Variants in CD74 observed in about 807,000 individuals in gnomAD.
CD74 encodes CD74 molecule.
CD74 carries 20 observed loss-of-function variants against 37.1 expected under a neutral mutation model. That is an observed-to-expected ratio of 0.54 (90% CI 0.38 to 0.78). CD74 has a LOEUF of 0.78. CD74 is among the 30% of genes least tolerant of loss of function. The pLI, the probability that CD74 is intolerant of heterozygous loss-of-function variation, is 0.00. For synonymous variants in CD74, 150 were observed against 152.0 expected, an observed-to-expected ratio of 0.99 and a Z score of 0.10; for missense variants, 338 against 389.5, an observed-to-expected ratio of 0.87 and a Z score of 1.11.
At position 150,401,792 on chromosome 5, in the gene CD74, A is replaced by T; in HGVS notation, c.*448T>A. ...GAGTGATGCTGGGGAAAGGGAAGAG[A>T]GTGGCTCAGCCTGCAGGTAAATAGG... On this transcript the variant is annotated 3_prime_UTR_variant, in exon 9 of 9. Coordinates refer to ENST00000009530, the MANE Select transcript of CD74 (RefSeq NM_001025159.3). 1.6e-6 allele frequency: 1 copy of T among 613,376 alleles called. No individual in the cohort carries two copies. The highest frequency in any genetic ancestry group is 2.9e-6 in the Non-Finnish European group (1 of 343,088). 38.0% of individuals were successfully genotyped at this position (613,376 alleles called of 1,614,324 possible). A position where few individuals can be genotyped will look rare whatever the true frequency, so the allele number is the denominator to read the frequency against.
In CD74 at chr5:150,402,045, G is replaced by T; in HGVS notation, c.*195C>A. On this transcript the variant is annotated 3_prime_UTR_variant, in exon 9 of 9. Coordinates refer to ENST00000009530, the MANE Select transcript of CD74 (RefSeq NM_001025159.3). This position sits in a 1 kb window ranked among gnomAD's most constrained non-coding sequence, Gnocchi z 4.2. ...CCTGTTGACAGATGGAGATTGGGCA[G>T]CAGGGCCTTGCTGCATTGTTATCTG... 6.5e-7 allele frequency: 1 copy of T among 1,537,240 alleles called. No homozygotes were observed. The highest frequency in any genetic ancestry group is 1.2e-5 in the South Asian group (1 of 84,056).
At position 150,406,233 on chromosome 5, in the gene CD74, C is replaced by T. The variant is rs747051901; in HGVS notation, c.441+26G>A. On this transcript the variant is annotated intron_variant, in intron 4 of 8. Coordinates refer to ENST00000009530, the MANE Select transcript of CD74 (RefSeq NM_001025159.3). ...CAGGGTCCTGGGTGGGCAGGCAGGA[C>T]CACCCAGCTAGCTCCCTGCACTCAC... 6 of 1,604,158 alleles carry T rather than the reference C, an allele frequency of 3.7e-6. No individual in the cohort carries two copies. In the South Asian group the frequency reaches 6.6e-5, roughly 18 times the overall value.
intron 1 of CD74, among the ~76,000 whole-genome samples, chr5:150,409,704 CAAAAA>C (rs755621804): frequency 1.1e-5 from 1 of 89,554 alleles, no homozygotes; most frequent in Non-Finnish European, 2.1e-5. Context: ...AAAAACATAA[CAAAAA>C]AAAAAAAAAA....
Position 150,406,288 on chromosome 5 carries a change from T to C in CD74, c.412A>G (p.Thr138Ala). Residue 138 changes from threonine to alanine, a missense_variant, in exon 4 of 9, where the codon ACA (threonine) becomes GCA (alanine). Physicochemically the swap from Thr to Ala is moderately conservative, Grantham distance 58 (BLOSUM62 0). Transcript: ENST00000009530. ...MQNATKYGNM[T>A]EDHVMHLLQN... is the part of the protein sequence containing the mutation. ...AGCAGGTGCATCACATGGTCCTCTGTCATGTTGCCATACTTGGTGGCATTC... is the reference window on the plus strand; with the variant it reads ...AGCAGGTGCATCACATGGTCCTCTGCCATGTTGCCATACTTGGTGGCATTC... The C allele has an allele frequency of 6.2e-7, 1 of 1,613,870 alleles. No homozygotes were observed.
At chr5:150,406,611 G>T in intron 3 of CD74, 1 of 589,940 alleles carries the variant, frequency 1.7e-6, no homozygotes. Context: ...CTTTGAGAAT[G>T]GGAGAGGACA....
At chr5:150,411,244 A>G (rs1770325393) in intron 1 of CD74, among the ~76,000 whole-genome samples, 1 of 152,226 alleles carries the variant, frequency 6.6e-6, no homozygotes, top group South Asian at 2.1e-4. Context: ...ACAGTGGATG[A>G]GAACTATTAT....
Position 150,403,196 on chromosome 5 carries a change from C to G in CD74, c.742G>C (p.Gly248Arg), listed in dbSNP as rs778538070. ...TTGGGGAAGACACACCAGCAGTAGC[C>G]GATGCTCCCATAGCACTGGAGTGGC... ...YLPLQCYGSIGYCWCVFPNGT... is the reference protein window; with the variant it reads ...YLPLQCYGSIRYCWCVFPNGT... Residue 248 changes from glycine to arginine, a missense_variant, in exon 7 of 9, where the codon GGC (glycine) becomes CGC (arginine). Gly to Arg is a moderately radical substitution (Grantham distance 125). Transcript: ENST00000009530. This position sits in a 1 kb window ranked among gnomAD's most constrained non-coding sequence, Gnocchi z 4.5. 1 of 1,614,018 alleles carries G rather than the reference C, an allele frequency of 6.2e-7. No homozygotes were observed. Among genetic ancestry groups the G allele is most frequent in the African/African-American group, 1.3e-5 (1 of 75,040 alleles).
At position 150,403,038 on chromosome 5, in the gene CD74, A is replaced by G. The variant is rs1029068680; in HGVS notation, c.817+83T>C. On this transcript the variant is annotated intron_variant, in intron 7 of 8. Coordinates refer to ENST00000009530, the MANE Select transcript of CD74 (RefSeq NM_001025159.3). This position sits in a 1 kb window ranked among gnomAD's most constrained non-coding sequence, Gnocchi z 4.5. ...CTGCCATCCTGGGTGTCCTGGTCCC[A>G]TGTGCTTCAGAGGGGACCTCTTGCC... The G allele has an allele frequency of 1.5e-5, 18 of 1,220,752 alleles. No homozygotes were observed. Among genetic ancestry groups the G allele is most frequent in the South Asian group, 1.4e-4 (10 of 71,862 alleles). The allele number at this position is 1,220,752 out of a possible 1,614,324, so 75.6% of individuals were successfully genotyped here.
intron 1 of CD74, among the ~76,000 whole-genome samples, chr5:150,409,420 G>A (rs1412710347): frequency 3.3e-5 from 5 of 151,696 alleles, no homozygotes; most frequent in Admixed American, 1.3e-4. Context: ...CCAGCTACTC[G>A]GGAGGCTGAG....
At chr5:150,406,584 A>G in intron 3 of CD74, 2 of 590,564 alleles carry the variant, frequency 3.4e-6, no homozygotes, top group Non-Finnish European at 6.1e-6. Context: ...AATATTGTCA[A>G]TGCATGATAG....
chr5:150,412,551 G>T (rs1770406722), intron 1 of CD74, 74 bp downstream of exon 1: 5 of 1,135,114 alleles, frequency 4.4e-6, no homozygotes, highest in Non-Finnish European at 6.6e-6. Flanking sequence ...CTCCTGGCCG[G>T]TGCTTCTTCC....
At position 150,402,698 on chromosome 5, in the gene CD74, C is replaced by T. The variant is rs2151167814; in HGVS notation, c.818-73G>A. 2.3e-6 allele frequency: 3 copies of T among 1,294,264 alleles called. No individual in the cohort carries two copies. Among genetic ancestry groups the T allele is most frequent in the Non-Finnish European group, 3.3e-6 (3 of 917,386 alleles). 80.2% of individuals were successfully genotyped at this position (1,294,264 alleles called of 1,614,324 possible). A position where few individuals can be genotyped will look rare whatever the true frequency, so the allele number is the denominator to read the frequency against. Reference sequence around the variant, plus strand: ...TGACCCAAGATGCCTGAGGGCAGTGCTTCCCACCTAGCCACAGGCTTAGTG... The same window carrying T: ...TGACCCAAGATGCCTGAGGGCAGTGTTTCCCACCTAGCCACAGGCTTAGTG... On this transcript the variant is annotated intron_variant, in intron 7 of 8. Coordinates refer to ENST00000009530, the MANE Select transcript of CD74 (RefSeq NM_001025159.3). This position sits in a 1 kb window ranked among gnomAD's most constrained non-coding sequence, Gnocchi z 4.2.
intron 1 of CD74, among the ~76,000 whole-genome samples, chr5:150,408,039 A>G (rs929156274): frequency 6.6e-6 from 1 of 150,606 alleles, no homozygotes; most frequent in Non-Finnish European, 1.5e-5. Flanking sequence ...CACCGCGCCC[A>G]GCCTTTTGTT....
Position 150,407,420 on chromosome 5 carries a change from AT to A in CD74, c.126-97del. On this transcript the variant is annotated intron_variant, in intron 1 of 8. Transcript: ENST00000009530. The surrounding 1 kb of genome is among the most constrained non-coding windows in gnomAD (Gnocchi z 4.4). The stretch of plus-strand genomic sequence containing the variant: ...TGGGGAAATGTATACCCCCATCTCC[AT>A]TAGACCCCTAAGCCACCCCTAATAA... 1 of 958,296 alleles carries A rather than the reference AT, an allele frequency of 1.0e-6. No homozygotes were observed. Among genetic ancestry groups the A allele is most frequent in the Non-Finnish European group, 1.5e-6 (1 of 649,524 alleles). The allele number at this position is 958,296 out of a possible 1,614,324, so 59.4% of individuals were successfully genotyped here.
At chr5:150,408,606 A>G (rs1284453171) in intron 1 of CD74, among the ~76,000 whole-genome samples, 1 of 152,184 alleles carries the variant, frequency 6.6e-6, no homozygotes, top group Non-Finnish European at 1.5e-5. Flanking sequence ...CTCACCATCC[A>G]GACCCTCGGA....
chr5:150,402,805 G>A lies in CD74; in HGVS notation c.818-180C>T, dbSNP rs1429874572. 1.3e-5 allele frequency among the ~76,000 whole-genome samples: 2 copies of A among 152,248 alleles called. No individual in the cohort carries two copies. The highest frequency in any genetic ancestry group is 4.8e-5 in the African/African-American group (2 of 41,472). ...ATGGGGGCTCGAGTGAGAAGGGGGTGATGAAATGAGATGGGTGGGTCTGTA... is the reference window on the plus strand; with the variant it reads ...ATGGGGGCTCGAGTGAGAAGGGGGTAATGAAATGAGATGGGTGGGTCTGTA... On this transcript the variant is annotated intron_variant, in intron 7 of 8. Coordinates refer to ENST00000009530, the MANE Select transcript of CD74 (RefSeq NM_001025159.3). This position sits in a 1 kb window ranked among gnomAD's most constrained non-coding sequence, Gnocchi z 4.2.
chr5:150,401,706 C>A lies in CD74; in HGVS notation c.*534G>T. On this transcript the variant is annotated 3_prime_UTR_variant, in exon 9 of 9. Transcript: ENST00000009530. Reference sequence around the variant, plus strand: ...AAAGCTGATAACAAGCTTGGCTGAGCAGAGGGAACTAGGGGTCGGCAGAAA... The same window carrying A: ...AAAGCTGATAACAAGCTTGGCTGAGAAGAGGGAACTAGGGGTCGGCAGAAA... 1 of 563,670 alleles carries A rather than the reference C, an allele frequency of 1.8e-6. No individual in the cohort carries two copies. The highest frequency in any genetic ancestry group is 3.2e-6 in the Non-Finnish European group (1 of 316,056). The allele number at this position is 563,670 out of a possible 1,614,324, so 34.9% of individuals were successfully genotyped here.
In CD74 at chr5:150,402,165, G is replaced by A; in HGVS notation, c.*75C>T. The A allele has an allele frequency of 1.3e-6, 2 of 1,562,976 alleles. No individual in the cohort carries two copies. Among genetic ancestry groups the A allele is most frequent in the South Asian group, 1.2e-5 (1 of 84,556 alleles). ...GTACAGGGTGGGAGATGGGGGAGGGGCTGGGGGCTGAAGGGAGCAAGAAAG... is the reference window on the plus strand; with the variant it reads ...GTACAGGGTGGGAGATGGGGGAGGGACTGGGGGCTGAAGGGAGCAAGAAAG... On this transcript the variant is annotated 3_prime_UTR_variant, in exon 9 of 9. Transcript: ENST00000009530. This position sits in a 1 kb window ranked among gnomAD's most constrained non-coding sequence, Gnocchi z 4.2.
chr5:150,406,193 G>C, intron 4 of CD74, 66 bp downstream of exon 4: 1 of 1,218,198 alleles, frequency 8.2e-7, no homozygotes, highest in Non-Finnish European at 1.2e-6. Flanking sequence ...TACAGGCCTT[G>C]GAGCTTGGCC....
Sources: gnomAD v4.1 joint callset for allele counts (sites outside exome capture counted in the v4.1 genomes callset) on GRCh38, gnomAD v4.1.1 for gene constraint, Gnocchi (gnomAD v3.1) non-coding constraint, MANE v1.5 for transcripts, NCBI Gene and HGNC (gene_info 2026-07-23, HGNC 2026-07-21) for gene names.